The following CELSR1 variants were observed in gnomAD, a reference collection of about 807,000 sequenced individuals.
The protein encoded by CELSR1 is adhesion G protein-coupled receptor C1.
CELSR1 carries 110 observed loss-of-function variants against 249.1 expected under a neutral mutation model. That is an observed-to-expected ratio of 0.44 (90% CI 0.38 to 0.52). CELSR1 has a LOEUF of 0.52. Among genes scored for constraint, CELSR1 ranks in the 20% least tolerant of loss-of-function variants. The probability of loss-of-function intolerance (pLI) is 0.00; values close to 1 mark genes in which losing one functional copy is unlikely to be tolerated. For missense variants in CELSR1, 4,109 were observed against 4,296.4 expected (o/e 0.96, Z 1.22); for synonymous variants, 2,113 against 1,900.0 (o/e 1.11, Z -2.92).
chr22:46,489,028 C>T (rs1435210114), intron 1 of CELSR1, among the ~76,000 whole-genome samples: 2 of 152,058 alleles, frequency 1.3e-5, no homozygotes, highest in Non-Finnish European at 2.9e-5. Context: ...AGCTCAGACC[C>T]CCAGACACAC....
rs916898954 is a variant in CELSR1, at chr22:46,363,336, G to A, written c.9036-89C>T. On this transcript the variant is annotated intron_variant, in intron 34 of 34. Coordinates refer to ENST00000674500, the MANE Select transcript of CELSR1 (RefSeq NM_001378328.1). The surrounding 1 kb of genome is among the most constrained non-coding windows in gnomAD (Gnocchi z 4.3). The stretch of plus-strand genomic sequence containing the variant: ...CCAAGGTTGTCACACGGGGGGGCAG[G>A]ATCACCCCATCAGGGTAGAGGGGGC... 5.3e-6 allele frequency: 6 copies of A among 1,137,184 alleles called. No homozygotes were observed. Among genetic ancestry groups the A allele is most frequent in the Middle Eastern group, 2.2e-4 (1 of 4,638 alleles). 70.4% of individuals were successfully genotyped at this position (1,137,184 alleles called of 1,614,324 possible).
rs977816340 is a variant in CELSR1, at chr22:46,529,334, G to A, written c.3544+4293C>T. 2.0e-5 allele frequency among the ~76,000 whole-genome samples: 3 copies of A among 151,960 alleles called. 1 individual carries two copies. In the South Asian group the frequency reaches 6.2e-4, roughly 31 times the overall value. Reference sequence around the variant, plus strand: ...ATGGAACTGGAGGTCATTATGTTAAGTGAAATAAGCCAGGCACAGAAAAAC... The same window carrying A: ...ATGGAACTGGAGGTCATTATGTTAAATGAAATAAGCCAGGCACAGAAAAAC... On this transcript the variant is annotated intron_variant, in intron 1 of 34. Coordinates refer to ENST00000674500, the MANE Select transcript of CELSR1 (RefSeq NM_001378328.1).
Position 46,395,025 on chromosome 22 carries a change from C to A in CELSR1, c.5844-763G>T, listed in dbSNP as rs1017815990. Among the ~76,000 whole-genome samples the A allele has an allele frequency of 2.0e-5, 3 of 152,196 alleles. No homozygotes were observed. Among genetic ancestry groups the A allele is most frequent in the Non-Finnish European group, 4.4e-5 (3 of 68,036 alleles). ...CGAGTGTCCTGCGGGCTCCTGCAAT[C>A]CCCCCTGGCTAACCAAGTTCCCTCC... On this transcript the variant is annotated intron_variant, in intron 13 of 34. Coordinates refer to ENST00000674500, the MANE Select transcript of CELSR1 (RefSeq NM_001378328.1). This position sits in a 1 kb window ranked among gnomAD's most constrained non-coding sequence, Gnocchi z 5.5.
rs1602158726 is a variant in CELSR1, at chr22:46,454,653, C to T, written c.4183+9054G>A. On this transcript the variant is annotated intron_variant, in intron 2 of 34. Coordinates refer to ENST00000674500, the MANE Select transcript of CELSR1 (RefSeq NM_001378328.1). The surrounding 1 kb of genome is among the most constrained non-coding windows in gnomAD (Gnocchi z 5.1). ...CATTCCACACCTAGTTCAGCTCGCC[C>T]ACCTCCAAGCTGTCCGGGTGGGACG... Among the ~76,000 whole-genome samples, 1 of 152,256 alleles carries T rather than the reference C, an allele frequency of 6.6e-6. No individual in the cohort carries two copies. Among genetic ancestry groups the T allele is most frequent in the African/African-American group, 2.4e-5 (1 of 41,474 alleles).
At position 46,534,310 on chromosome 22, in the gene CELSR1, C is replaced by T. The variant is rs1256111558; in HGVS notation, c.2861G>A (p.Arg954His). ...GGCCACATTCTCCCGGTCCAGCCGGCGCTGGGTGCGAATCACACCGGACGT... is the reference window on the plus strand; with the variant it reads ...GGCCACATTCTCCCGGTCCAGCCGGTGCTGGGTGCGAATCACACCGGACGT... ...EPTSGVIRTQRRLDRENVAVY... is the reference protein window; with the variant it reads ...EPTSGVIRTQHRLDRENVAVY... The change falls in exon 1 of 35, where the codon CGC becomes CAC. Residue 954 changes from arginine (R) to histidine (H), a missense_variant. This residue lies in a region of CELSR1 where 886 missense variants were observed against 896.5 expected (regional missense o/e 0.99). Coordinates refer to ENST00000674500, the MANE Select transcript of CELSR1 (RefSeq NM_001378328.1). This position sits in a 1 kb window ranked among gnomAD's most constrained non-coding sequence, Gnocchi z 9.7. 7 of 1,613,118 alleles carry T rather than the reference C, an allele frequency of 4.3e-6. No individual in the cohort carries two copies. Among genetic ancestry groups the T allele is most frequent in the South Asian group, 1.1e-5 (1 of 91,092 alleles).
At chr22:46,519,622 C>T (rs932684281) in intron 1 of CELSR1, among the ~76,000 whole-genome samples, 5 of 152,170 alleles carry the variant, frequency 3.3e-5, no homozygotes, top group Admixed American at 2.0e-4. Context: ...TGGGAGGTGC[C>T]CAAGACATCC....
At chr22:46,519,399 T>C (rs2080661795) in intron 1 of CELSR1, among the ~76,000 whole-genome samples, 1 of 152,268 alleles carries the variant, frequency 6.6e-6, no homozygotes, top group Admixed American at 6.5e-5. Context: ...CTGGTGGTTT[T>C]GGACCCAAGG....
At chr22:46,524,698 T>C (rs1435818329) in intron 1 of CELSR1, among the ~76,000 whole-genome samples, 1 of 152,050 alleles carries the variant, frequency 6.6e-6, no homozygotes, top group Non-Finnish European at 1.5e-5. Flanking sequence ...TATGGAATGT[T>C]CACGCCCAAA....
chr22:46,479,467 T>A (rs901362680), intron 1 of CELSR1, among the ~76,000 whole-genome samples: 3 of 152,136 alleles, frequency 2.0e-5, no homozygotes, highest in African/African-American at 7.2e-5. Flanking sequence ...GGGAAAAAGC[T>A]ACCCACGGTG....
intron 1 of CELSR1, among the ~76,000 whole-genome samples, chr22:46,507,289 CGGCTGGGG>C (rs1168358466): frequency 2.0e-5 from 3 of 152,194 alleles, no homozygotes; most frequent in Non-Finnish European, 4.4e-5. Flanking sequence ...TGAGAAGCCA[CGGCTGGGG>C]GGCCTCCGTC....
chr22:46,408,930 A>T lies in CELSR1; in HGVS notation c.5226+66T>A. On this transcript the variant is annotated intron_variant, in intron 9 of 34. Transcript: ENST00000674500. This position sits in a 1 kb window ranked among gnomAD's most constrained non-coding sequence, Gnocchi z 4.6. ...TGCCCGAGTGTGCACCAGGAAGCCCAGCGCCTGGGTCCCTCCCTCGGGCAC... is the reference window on the plus strand; with the variant it reads ...TGCCCGAGTGTGCACCAGGAAGCCCTGCGCCTGGGTCCCTCCCTCGGGCAC... 7.3e-7 allele frequency: 1 copy of T among 1,361,100 alleles called. No individual in the cohort carries two copies. Among genetic ancestry groups the T allele is most frequent in the Non-Finnish European group, 9.9e-7 (1 of 1,013,184 alleles). 84.3% of individuals were successfully genotyped at this position (1,361,100 alleles called of 1,614,324 possible). A position where few individuals can be genotyped will look rare whatever the true frequency, so the allele number is the denominator to read the frequency against.
intron 1 of CELSR1, among the ~76,000 whole-genome samples, chr22:46,477,826 A>G (rs1216013843): frequency 6.6e-6 from 1 of 152,010 alleles, no homozygotes; most frequent in African/African-American, 2.4e-5. Context: ...TAAGATAAGA[A>G]GAAAAAGGAG....
chr22:46,397,630 A>G (rs1256849452), intron 12 of CELSR1, 44 bp downstream of exon 12: 1 of 1,403,514 alleles, frequency 7.1e-7, no homozygotes. Flanking sequence ...TTCAGCCATA[A>G]GAGACCTCCC....
intron 30 of CELSR1, 130 bp downstream of exon 30, chr22:46,366,256 G>GGA (rs2078779194): frequency 1.9e-6 from 1 of 526,658 alleles, no homozygotes; most frequent in Non-Finnish European, 3.4e-6. Flanking sequence ...CGGGTGGGAA[G>GGA]AAGGTGCGGG....
At chr22:46,456,609 G>A (rs2079954270) in intron 2 of CELSR1, among the ~76,000 whole-genome samples, 1 of 143,364 alleles carries the variant, frequency 7.0e-6, no homozygotes, top group South Asian at 2.2e-4. Flanking sequence ...CTTGCAGTGA[G>A]CCGAGATTGT....
chr22:46,525,823 C>T (rs1475705269), intron 1 of CELSR1, among the ~76,000 whole-genome samples: 1 of 152,242 alleles, frequency 6.6e-6, no homozygotes, highest in Non-Finnish European at 1.5e-5. Flanking sequence ...AATGTGCAGG[C>T]ACAGGCACCA....
intron 19 of CELSR1, among the ~76,000 whole-genome samples, chr22:46,386,150 A>G (rs1235624390): frequency 6.6e-6 from 1 of 151,862 alleles, no homozygotes; most frequent in Non-Finnish European, 1.5e-5. Context: ...TTGTATTTTT[A>G]GTAGAGATGG....
intron 2 of CELSR1, 84 bp downstream of exon 2, chr22:46,463,623 A>T: frequency 7.2e-7 from 1 of 1,379,334 alleles, no homozygotes; most frequent in Admixed American, 3.3e-5. Context: ...CCCGGAGGGA[A>T]GTAAACAGAG....
At position 46,484,571 on chromosome 22, in the gene CELSR1, C is replaced by A. The variant is rs1034092144; in HGVS notation, c.3545-20226G>T. ...GCCTCAAGTTAGAGCTGGGGGCAGC[C>A]CGGGACAGCCTGGCAAGGGGCAGCT... is the stretch of plus-strand genomic sequence containing the variant. On this transcript the variant is annotated intron_variant, in intron 1 of 34. Coordinates refer to ENST00000674500, the MANE Select transcript of CELSR1 (RefSeq NM_001378328.1). The surrounding 1 kb of genome is among the most constrained non-coding windows in gnomAD (Gnocchi z 4.5). Among the ~76,000 whole-genome samples, 3 of 150,374 alleles carry A rather than the reference C, an allele frequency of 2.0e-5. No individual in the cohort carries two copies. The highest frequency in any genetic ancestry group is 4.4e-5 in the Non-Finnish European group (3 of 67,788).
Sources: allele counts gnomAD v4.1 joint callset (sites outside exome capture counted in the v4.1 genomes callset), GRCh38; gene constraint gnomAD v4.1.1; regional missense constraint gnomAD v4.1.1; non-coding constraint Gnocchi (gnomAD v3.1); transcripts MANE v1.5; gene names NCBI Gene and HGNC (gene_info 2026-07-23, HGNC 2026-07-21).